INPP4B: variants seen among roughly 807,000 people sequenced by gnomAD.
INPP4B encodes inositol polyphosphate-4-phosphatase type II B.
Under a neutral mutation model 122.5 loss-of-function variants are expected in INPP4B, and 55 were observed. The ratio of observed to expected loss-of-function variants is 0.45; its 90% CI spans 0.36 to 0.56. The LOEUF (loss-of-function observed/expected upper bound fraction) is 0.56. INPP4B is among the 20% of genes least tolerant of loss of function. The probability of loss-of-function intolerance (pLI) is 0.00; values close to 1 mark genes in which losing one functional copy is unlikely to be tolerated. For missense variants in INPP4B, 1,000 were observed against 1,097.7 expected (o/e 0.91, Z 1.26); for synonymous variants, 403 against 388.7 (o/e 1.04, Z -0.43).
chr4:142,631,719 A>G (rs1747994365), intron 2 of INPP4B, among the ~76,000 whole-genome samples: 1 of 152,182 alleles, frequency 6.6e-6, no homozygotes, highest in Non-Finnish European at 1.5e-5. Flanking sequence ...CAAAGTAGCA[A>G]CAATTACTCT....
At chr4:142,390,254 T>C (rs1220010562) in intron 7 of INPP4B, among the ~76,000 whole-genome samples, 5 of 152,188 alleles carry the variant, frequency 3.3e-5, no homozygotes, top group African/African-American at 1.2e-4. Flanking sequence ...AAGATTTTCA[T>C]GTAATATTAG....
chr4:142,745,606 C>T (rs186467784), intron 1 of INPP4B, among the ~76,000 whole-genome samples: 12 of 151,900 alleles, frequency 7.9e-5, no homozygotes, highest in East Asian at 5.8e-4. Context: ...ATACTCTATA[C>T]GGGAGACTTT....
chr4:142,568,566 T>C (rs931729976), intron 2 of INPP4B, among the ~76,000 whole-genome samples: 3 of 152,188 alleles, frequency 2.0e-5, no homozygotes, highest in Non-Finnish European at 4.4e-5. Context: ...AAGAAGTTAA[T>C]GAAACATGAG....
chr4:142,131,938 A>C (rs925468834), intron 18 of INPP4B, among the ~76,000 whole-genome samples: 1 of 151,976 alleles, frequency 6.6e-6, no homozygotes, highest in Non-Finnish European at 1.5e-5. Flanking sequence ...CTGGGCAACA[A>C]GAGTGAAACT....
intron 3 of INPP4B, among the ~76,000 whole-genome samples, chr4:142,438,831 C>A (rs1811099552): frequency 6.6e-6 from 1 of 152,100 alleles, no homozygotes; most frequent in South Asian, 2.1e-4. Flanking sequence ...TCAGAATTTA[C>A]AAGGAACTTA....
At chr4:142,154,880 A>G (rs952671560) in intron 17 of INPP4B, among the ~76,000 whole-genome samples, 1 of 152,080 alleles carries the variant, frequency 6.6e-6, no homozygotes, top group African/African-American at 2.4e-5. Context: ...TTTTCCTATC[A>G]AAGCTTATAA....
chr4:142,423,913 A>G (rs528366803), intron 5 of INPP4B: 3 of 352,258 alleles, frequency 8.5e-6, no homozygotes, highest in African/African-American at 6.6e-5. Flanking sequence ...TTTGAGGAGA[A>G]TACTGTTTTC....
intron 1 of INPP4B, among the ~76,000 whole-genome samples, chr4:142,806,775 GA>G (rs1311910445): frequency 3.1e-5 from 2 of 63,714 alleles, no homozygotes; most frequent in Admixed American, 1.5e-4. Context: ...AAGAAAGAAA[GA>G]AAGAAAGAAG....
chr4:142,154,514 T>A (rs1816109471), intron 17 of INPP4B, among the ~76,000 whole-genome samples: 1 of 152,082 alleles, frequency 6.6e-6, no homozygotes. Context: ...CTAGGAAATA[T>A]GCACTAGGGA....
intron 7 of INPP4B, among the ~76,000 whole-genome samples, chr4:142,324,923 CT>C (rs1210516165): frequency 1.3e-5 from 2 of 152,138 alleles, no homozygotes; most frequent in Admixed American, 6.6e-5. Flanking sequence ...CTGCTGAAAG[CT>C]TTTTTGATTT....
chr4:142,431,136 T>A (rs921373677), intron 4 of INPP4B, 33 bp downstream of exon 4: 1 of 1,537,286 alleles, frequency 6.5e-7, no homozygotes, highest in Admixed American at 1.7e-5. Flanking sequence ...CATCTTTAGA[T>A]GCAAAAACAG....
chr4:142,044,614 A>G (rs769555481), intron 25 of INPP4B, among the ~76,000 whole-genome samples: 56 of 151,472 alleles, frequency 3.7e-4, no homozygotes, highest in Non-Finnish European at 5.5e-4. Flanking sequence ...ATAGTGAAAG[A>G]AAAAAAAACA....
chr4:142,083,439 T>C (rs571376875), intron 24 of INPP4B, among the ~76,000 whole-genome samples: 1 of 152,336 alleles, frequency 6.6e-6, no homozygotes, highest in Non-Finnish European at 1.5e-5. Flanking sequence ...CTTTGTCTTC[T>C]ATCCCATGGT....
intron 7 of INPP4B, among the ~76,000 whole-genome samples, chr4:142,323,696 T>A (rs554353371): frequency 4.0e-5 from 6 of 151,804 alleles, no homozygotes; most frequent in Non-Finnish European, 8.8e-5. Context: ...CTGCCCGCCT[T>A]GGCCTCCCAA....
chr4:142,645,766 GC>G (rs767033493), intron 2 of INPP4B, among the ~76,000 whole-genome samples: 1 of 152,140 alleles, frequency 6.6e-6, no homozygotes, highest in Admixed American at 6.5e-5. Flanking sequence ...CTATCTATAA[GC>G]CACTGCCATT....
chr4:142,727,281 T>C (rs1765458566), intron 1 of INPP4B, among the ~76,000 whole-genome samples: 1 of 152,118 alleles, frequency 6.6e-6, no homozygotes, highest in Non-Finnish European at 1.5e-5. Context: ...CTTCAAGAAA[T>C]TGTGATATAC....
chr4:142,508,806 A>G (rs965475227), intron 2 of INPP4B, among the ~76,000 whole-genome samples: 1 of 152,158 alleles, frequency 6.6e-6, no homozygotes, highest in Non-Finnish European at 1.5e-5. Context: ...GGTTCTCCCA[A>G]AAAAAGGAGG....
intron 5 of INPP4B, among the ~76,000 whole-genome samples, chr4:142,412,415 C>A (rs1195205273): frequency 6.6e-6 from 1 of 152,034 alleles, no homozygotes. Context: ...TCAACCTCTC[C>A]AGCTCAGATC....
Position 142,135,859 on chromosome 4 carries a change from C to T in INPP4B, c.1720+9981G>A, listed in dbSNP as rs186553116. ...TCGCCCAGGCTGGAGTGCAGTGGTG[C>T]GATCTCCGCTCACTGCTAGCTCCCC... On this transcript the variant is annotated intron_variant, in intron 18 of 25. Coordinates refer to ENST00000262992, the MANE Select transcript of INPP4B (RefSeq NM_001101669.3). Among the ~76,000 whole-genome samples, 300 of 152,144 alleles carry T rather than the reference C, an allele frequency of 2.0e-3. 3 individuals are homozygous for T. Among genetic ancestry groups the T allele is most frequent in the Admixed American group, 0.018 (269 of 15,290 alleles).
Sources: allele counts gnomAD v4.1 joint callset (sites outside exome capture counted in the v4.1 genomes callset), GRCh38; gene constraint gnomAD v4.1.1; transcripts MANE v1.5; gene names NCBI Gene and HGNC (gene_info 2026-07-23, HGNC 2026-07-21).